The following CHP2 variants were observed in gnomAD, a reference collection of about 807,000 sequenced individuals.
CHP2 encodes calcineurin like EF-hand protein 2, also known as calcineurin B homologous protein 2.
CHP2 carries 31 observed loss-of-function variants against 24.7 expected under a neutral mutation model. The ratio of observed to expected loss-of-function variants is 1.26; its 90% CI spans 0.94 to 1.69. The LOEUF (loss-of-function observed/expected upper bound fraction) is 1.69. Among genes scored for constraint, CHP2 ranks in the 40% most tolerant of loss-of-function variants. The pLI, the probability that CHP2 is intolerant of heterozygous loss-of-function variation, is 0.00. For synonymous variants in CHP2, 97 were observed against 99.1 expected, an observed-to-expected ratio of 0.98 and a Z score of 0.13; for missense variants, 319 against 261.5, an observed-to-expected ratio of 1.22 and a Z score of -1.52.
rs1176306667 is a variant in CHP2, at chr16:23,758,478, C to T, written c.*895C>T. On this transcript the variant is annotated 3_prime_UTR_variant, in exon 7 of 7. Transcript: ENST00000300113. Reference sequence around the variant, plus strand: ...TGTAAGCCTGATTTTCAGGAAGGCTCTTTCCTAGTGATGGAGATGACCACC... The same window carrying T: ...TGTAAGCCTGATTTTCAGGAAGGCTTTTTCCTAGTGATGGAGATGACCACC... 1 of 152,210 alleles carries T rather than the reference C, an allele frequency of 6.6e-6. No homozygotes were observed. The highest frequency in any genetic ancestry group is 1.5e-5 in the Non-Finnish European group (1 of 68,046). 9.4% of individuals were successfully genotyped at this position (152,210 alleles called of 1,614,324 possible). A position where few individuals can be genotyped will look rare whatever the true frequency, so the allele number is the denominator to read the frequency against.
chr16:23,757,675 A>C lies in CHP2; in HGVS notation c.*92A>C, dbSNP rs1597178296. 8.9e-7 allele frequency: 1 copy of C among 1,123,548 alleles called. No individual in the cohort carries two copies. The highest frequency in any genetic ancestry group is 2.3e-5 in the East Asian group (1 of 42,566). The allele number at this position is 1,123,548 out of a possible 1,614,324, so 69.6% of individuals were successfully genotyped here. A position where few individuals can be genotyped will look rare whatever the true frequency, so the allele number is the denominator to read the frequency against. On this transcript the variant is annotated 3_prime_UTR_variant, in exon 7 of 7. Transcript: ENST00000300113. ...GGACGCATGGACGCAGGGCGACAAT[A>C]AACTGTATTTTCGTTTCTAACTCTA...
chr16:23,755,114 G>A lies in CHP2; in HGVS notation c.65G>A (p.Gly22Asp). 6.3e-7 allele frequency: 1 copy of A among 1,599,612 alleles called. No homozygotes were observed. Among genetic ancestry groups the A allele is most frequent in the Non-Finnish European group, 8.5e-7 (1 of 1,175,168 alleles). Residue 22 changes from glycine (G) to aspartate (D), a missense_variant and splice_region_variant, in exon 1 of 7, where the codon GGC (glycine) becomes GAC (aspartate). By Grantham distance (94) the Gly-to-Asp change is moderately conservative (BLOSUM62 -1). Coordinates refer to ENST00000300113, the MANE Select transcript of CHP2 (RefSeq NM_022097.4). Reference sequence around the variant, plus strand: ...GGGGACAGTATTCGGCGAGAGACCGGCTGTGAGTGCGCCCGCGTCGGCGGC... The same window carrying A: ...GGGGACAGTATTCGGCGAGAGACCGACTGTGAGTGCGCCCGCGTCGGCGGC... ...PDGDSIRRET[G>D]FSQASLLRLH...
At chr16:23,757,403 G>A (rs1193453859) in intron 6 of CHP2, 80 bp downstream of exon 6, 261 of 1,591,908 alleles carry the variant, frequency 1.6e-4, no homozygotes, top group Non-Finnish European at 2.1e-4. Flanking sequence ...CAACGGAGGA[G>A]GGCGGAAAGA....
In CHP2 at chr16:23,755,070, C is replaced by G. The variant is rs1387443202; in HGVS notation, c.21C>G (p.His7Gln). The change falls in exon 1 of 7, where the codon CAC becomes CAG. Residue 7 changes from histidine (H) to glutamine (Q), a missense_variant. Transcript: ENST00000300113. MGSRSSHAAVIPDGDSI... is the reference protein window; with the variant it reads MGSRSSQAAVIPDGDSI... Reference sequence around the variant, plus strand: ...CGGCCATGGGGTCGCGCAGCTCCCACGCCGCGGTCATTCCCGACGGGGACA... The same window carrying G: ...CGGCCATGGGGTCGCGCAGCTCCCAGGCCGCGGTCATTCCCGACGGGGACA... 1.3e-6 allele frequency: 2 copies of G among 1,598,618 alleles called. No homozygotes were observed. Among genetic ancestry groups the G allele is most frequent in the South Asian group, 2.2e-5 (2 of 90,272 alleles).
In CHP2 at chr16:23,758,145, T is replaced by C. The variant is rs1320618887; in HGVS notation, c.*562T>C. The stretch of plus-strand genomic sequence containing the variant: ...TAATGCAAGCAATGGGGAGTGGCTG[T>C]AAATATAGATGAAGCTTCAGCTCGC... On this transcript the variant is annotated 3_prime_UTR_variant, in exon 7 of 7. Transcript: ENST00000300113. The C allele has an allele frequency of 6.0e-6, 1 of 166,966 alleles. No homozygotes were observed. The highest frequency in any genetic ancestry group is 1.3e-5 in the Non-Finnish European group (1 of 76,752). 10.3% of individuals were successfully genotyped at this position (166,966 alleles called of 1,614,324 possible). A position where few individuals can be genotyped will look rare whatever the true frequency, so the allele number is the denominator to read the frequency against.
In CHP2 at chr16:23,756,208, AC is replaced by A; in HGVS notation, c.352+17del. 1 of 1,613,560 alleles carries A rather than the reference AC, an allele frequency of 6.2e-7. No homozygotes were observed. The highest frequency in any genetic ancestry group is 8.5e-7 in the Non-Finnish European group (1 of 1,179,988). ...CAAACTTCACTGTGAGTTTGTGAGGACCTGCACAAGTGAGAATGCAGATGTA... is the reference window on the plus strand; with the variant it reads ...CAAACTTCACTGTGAGTTTGTGAGGACTGCACAAGTGAGAATGCAGATGTA... On this transcript the variant is annotated intron_variant, in intron 4 of 6. Transcript: ENST00000300113.
rs181964412 is a variant in CHP2 at position 23,756,142 on chromosome 16, C to G, written c.301C>G (p.Gln101Glu). 1.2e-6 allele frequency: 2 copies of G among 1,614,132 alleles called. No individual in the cohort carries two copies. The highest frequency in any genetic ancestry group is 3.3e-5 in the Admixed American group (2 of 60,008). Residue 101 changes from glutamine to glutamate, a missense_variant, in exon 4 of 7, where the codon CAA (glutamine) becomes GAA (glutamate). Physicochemically the swap from Gln to Glu is conservative, Grantham distance 29. Coordinates refer to ENST00000300113, the MANE Select transcript of CHP2 (RefSeq NM_022097.4). The part of the protein sequence containing the change: ...RPVEDEDTET[Q>E]DPKKPEPLNS... ...TGTAGAAGATGAGGACACAGAAACC[C>G]AAGACCCCAAGAAACCTGAACCTCT...
intron 5 of CHP2, among the ~76,000 whole-genome samples, 167 bp downstream of exon 5, chr16:23,756,616 C>T (rs368687424): frequency 7.9e-5 from 12 of 152,038 alleles, no homozygotes; most frequent in Admixed American, 2.0e-4. Flanking sequence ...TGTTGGGAGT[C>T]GGAGTGGGGA....
In CHP2 at chr16:23,757,463, G is replaced by C. The variant is rs929432922; in HGVS notation, c.538-67G>C. The stretch of plus-strand genomic sequence containing the variant: ...GTCTCTGGAATGGGTAGAACCCTGG[G>C]GGAGGAGGTTGGGAGCATGGAGAGC... On this transcript the variant is annotated intron_variant, in intron 6 of 6. Coordinates refer to ENST00000300113, the MANE Select transcript of CHP2 (RefSeq NM_022097.4). 1.3e-5 allele frequency: 21 copies of C among 1,587,822 alleles called. No homozygotes were observed. In the Admixed American group the frequency reaches 2.7e-4, roughly 20 times the overall value.
Position 23,755,088 on chromosome 16 carries a change from C to T in CHP2, c.39C>T (p.Asp13=). ...SRSSHAAVIP[D]GDSIRRETGF... Reference sequence around the variant, plus strand: ...GCTCCCACGCCGCGGTCATTCCCGACGGGGACAGTATTCGGCGAGAGACCG... The same window carrying T: ...GCTCCCACGCCGCGGTCATTCCCGATGGGGACAGTATTCGGCGAGAGACCG... Residue 13 remains aspartate (D), a synonymous_variant, in exon 1 of 7, where the codon GAC becomes GAT. Coordinates refer to ENST00000300113, the MANE Select transcript of CHP2 (RefSeq NM_022097.4). 1 of 1,601,380 alleles carries T rather than the reference C, an allele frequency of 6.2e-7. No homozygotes were observed.
Position 23,757,863 on chromosome 16 carries a change from A to C in CHP2, c.*280A>C. ...ATTTATTGTGCACTTTATTTCTATTATGATTACATTGTAATATATAATGAA... is the reference window on the plus strand; with the variant it reads ...ATTTATTGTGCACTTTATTTCTATTCTGATTACATTGTAATATATAATGAA... On this transcript the variant is annotated 3_prime_UTR_variant, in exon 7 of 7. Transcript: ENST00000300113. The C allele has an allele frequency of 2.1e-6, 1 of 471,550 alleles. No individual in the cohort carries two copies. The highest frequency in any genetic ancestry group is 4.2e-5 in the East Asian group (1 of 24,004). The allele number at this position is 471,550 out of a possible 1,614,324, so 29.2% of individuals were successfully genotyped here.
At chr16:23,755,212 C>G in intron 1 of CHP2, 96 bp downstream of exon 1, 1 of 894,986 alleles carries the variant, frequency 1.1e-6, no homozygotes, top group Non-Finnish European at 1.7e-6. Context: ...GACGAACTTA[C>G]AAGTCTGGGG....
chr16:23,757,508 C>G, intron 6 of CHP2, 22 bp from the exon 7 acceptor site: 2 of 1,613,072 alleles, frequency 1.2e-6, no homozygotes, highest in South Asian at 1.1e-5. Flanking sequence ...AGCCTCTTGC[C>G]TGCCATTTGT....
chr16:23,757,957 G>A lies in CHP2; in HGVS notation c.*374G>A. On this transcript the variant is annotated 3_prime_UTR_variant, in exon 7 of 7. Transcript: ENST00000300113. Reference sequence around the variant, plus strand: ...GAGCTTGTTTTCCTGCAATTAGACGGTCCCATATGGGAGTGATGGGAGACA... The same window carrying A: ...GAGCTTGTTTTCCTGCAATTAGACGATCCCATATGGGAGTGATGGGAGACA... 1 of 356,230 alleles carries A rather than the reference G, an allele frequency of 2.8e-6. No homozygotes were observed. The highest frequency in any genetic ancestry group is 2.5e-5 in the South Asian group (1 of 40,042). 22.1% of individuals were successfully genotyped at this position (356,230 alleles called of 1,614,324 possible). A position where few individuals can be genotyped will look rare whatever the true frequency, so the allele number is the denominator to read the frequency against.
Position 23,755,074 on chromosome 16 carries a change from G to A in CHP2, c.25G>A (p.Ala9Thr), listed in dbSNP as rs1961202878. 1.9e-6 allele frequency: 3 copies of A among 1,599,126 alleles called. No homozygotes were observed. In the African/African-American group the frequency reaches 4.1e-5, roughly 22 times the overall value. Reference sequence around the variant, plus strand: ...CATGGGGTCGCGCAGCTCCCACGCCGCGGTCATTCCCGACGGGGACAGTAT... The same window carrying A: ...CATGGGGTCGCGCAGCTCCCACGCCACGGTCATTCCCGACGGGGACAGTAT... MGSRSSHAAVIPDGDSIRR... is the reference protein window; with the variant it reads MGSRSSHATVIPDGDSIRR... Residue 9 changes from alanine (A) to threonine (T), a missense_variant, in exon 1 of 7, where the codon GCG (alanine) becomes ACG (threonine). By Grantham distance (58) the Ala-to-Thr change is moderately conservative. Transcript: ENST00000300113.
rs1326749504 is a variant in CHP2 at position 23,755,029 on chromosome 16, C to T, written c.-21C>T. 5 of 1,568,400 alleles carry T rather than the reference C, an allele frequency of 3.2e-6. No individual in the cohort carries two copies. The highest frequency in any genetic ancestry group is 4.3e-6 in the Non-Finnish European group (5 of 1,160,618). ...CGTGGGTCCGGGTGGCTGCTCCGGCCCTTCCGCCTCCAGCTCGGCCATGGG... is the reference window on the plus strand; with the variant it reads ...CGTGGGTCCGGGTGGCTGCTCCGGCTCTTCCGCCTCCAGCTCGGCCATGGG... On this transcript the variant is annotated 5_prime_UTR_variant, in exon 1 of 7. Coordinates refer to ENST00000300113, the MANE Select transcript of CHP2 (RefSeq NM_022097.4).
Position 23,757,568 on chromosome 16 carries a change from C to T in CHP2, c.576C>T (p.Ile192=), listed in dbSNP as rs762723340. The T allele has an allele frequency of 6.2e-7, 1 of 1,614,088 alleles. No homozygotes were observed. The highest frequency in any genetic ancestry group is 1.1e-5 in the South Asian group (1 of 91,084). The change falls in exon 7 of 7, where the codon ATC becomes ATT. Residue 192 remains isoleucine (I), a synonymous_variant. Transcript: ENST00000300113. The stretch of plus-strand genomic sequence containing the variant: ...TGGACGTTGAGCAAAAAATGAGCAT[C>T]CGGATCCTGAAGTGACTCCGTTTGT... ...EKMDVEQKMS[I]RILK
intron 6 of CHP2, 76 bp from the exon 7 acceptor site, chr16:23,757,454 G>C: frequency 6.3e-7 from 1 of 1,585,710 alleles, no homozygotes; most frequent in Non-Finnish European, 8.7e-7. Context: ...GGAATGGGTA[G>C]AACCCTGGGG....
rs368532840 is a variant in CHP2, at chr16:23,757,500, C to T, written c.538-30C>T. Reference sequence around the variant, plus strand: ...GGAGCATGGAGAGCTGAGAGTCAAGCCTCTTGCCTGCCATTTGTTTTTCCC... The same window carrying T: ...GGAGCATGGAGAGCTGAGAGTCAAGTCTCTTGCCTGCCATTTGTTTTTCCC... On this transcript the variant is annotated intron_variant, in intron 6 of 6. Coordinates refer to ENST00000300113, the MANE Select transcript of CHP2 (RefSeq NM_022097.4). 3.1e-6 allele frequency: 5 copies of T among 1,610,520 alleles called. No homozygotes were observed. In the African/African-American group the frequency reaches 5.4e-5, roughly 17 times the overall value.
Sources: allele counts gnomAD v4.1 joint callset (sites outside exome capture counted in the v4.1 genomes callset), GRCh38; gene constraint gnomAD v4.1.1; transcripts MANE v1.5; gene names NCBI Gene and HGNC (gene_info 2026-07-23, HGNC 2026-07-21).